UNC5D: variants seen among roughly 807,000 people sequenced by gnomAD.
The protein encoded by UNC5D is unc-5 netrin receptor D.
UNC5D carries 39 observed loss-of-function variants against 105.4 expected under a neutral mutation model. That is an observed-to-expected ratio of 0.37 (90% CI 0.29 to 0.48). UNC5D has a LOEUF of 0.48. UNC5D is among the 20% of genes least tolerant of loss of function. The probability of loss-of-function intolerance (pLI) is 0.98; values close to 1 mark genes in which losing one functional copy is unlikely to be tolerated. For synonymous variants in UNC5D, 452 were observed against 450.4 expected (o/e 1.00, Z -0.04); for missense variants, 991 against 1,202.4 (o/e 0.82, Z 2.60).
chr8:35,508,408 A>G (rs1394300340), intron 1 of UNC5D, among the ~76,000 whole-genome samples: 1 of 152,202 alleles, frequency 6.6e-6, no homozygotes, highest in Non-Finnish European at 1.5e-5. Flanking sequence ...TGTCTTTATG[A>G]GAGATCACTG....
intron 4 of UNC5D, among the ~76,000 whole-genome samples, chr8:35,656,281 C>T (rs1823729526): frequency 6.6e-6 from 1 of 152,104 alleles, no homozygotes; most frequent in African/African-American, 2.4e-5. Flanking sequence ...CTCCAAGCAA[C>T]TTCAGTGCAA....
At chr8:35,665,333 G>C (rs1824356268) in intron 4 of UNC5D, among the ~76,000 whole-genome samples, 1 of 152,136 alleles carries the variant, frequency 6.6e-6, no homozygotes, top group African/African-American at 2.4e-5. Flanking sequence ...TTCTTAAGCA[G>C]AACTCCTTTG....
At chr8:35,380,193 G>A (rs1230570608) in intron 1 of UNC5D, among the ~76,000 whole-genome samples, 2 of 146,242 alleles carry the variant, frequency 1.4e-5, no homozygotes, top group East Asian at 4.0e-4. Context: ...GACAGAGACC[G>A]AGAGGGAGAG....
chr8:35,584,518 G>A (rs748189920), intron 3 of UNC5D, among the ~76,000 whole-genome samples: 1 of 152,018 alleles, frequency 6.6e-6, no homozygotes, highest in African/African-American at 2.4e-5. Context: ...GGGCCCACAC[G>A]ATTCTCCTGT....
intron 1 of UNC5D, among the ~76,000 whole-genome samples, chr8:35,280,683 C>T (rs924293467): frequency 1.3e-5 from 2 of 152,134 alleles, no homozygotes; most frequent in Non-Finnish European, 2.9e-5. Flanking sequence ...CAAATTGTAT[C>T]TTTAAATGTA....
At chr8:35,259,174 A>G (rs1804276629) in intron 1 of UNC5D, among the ~76,000 whole-genome samples, 1 of 152,182 alleles carries the variant, frequency 6.6e-6, no homozygotes, top group African/African-American at 2.4e-5. Flanking sequence ...AGTGGGGTGG[A>G]GAAGGCAGAG....
chr8:35,408,217 A>G (rs78499778), intron 1 of UNC5D, among the ~76,000 whole-genome samples: 3,562 of 152,124 alleles, frequency 0.023, 143 homozygotes, highest in African/African-American at 0.082. Flanking sequence ...ATTTGTTTTC[A>G]ATGTTTACTT....
chr8:35,539,138 T>A (rs1815086205), intron 1 of UNC5D, among the ~76,000 whole-genome samples: 1 of 152,098 alleles, frequency 6.6e-6, no homozygotes, highest in Non-Finnish European at 1.5e-5. Context: ...ATATTACAAA[T>A]ATATGTGTGT....
chr8:35,549,952 CTTTTT>C (rs5890821), intron 2 of UNC5D, among the ~76,000 whole-genome samples: 1 of 125,590 alleles, frequency 8.0e-6, no homozygotes, highest in Non-Finnish European at 1.7e-5. Flanking sequence ...TTTCTGAGTC[CTTTTT>C]TTTTTTTTTT....
intron 1 of UNC5D, among the ~76,000 whole-genome samples, chr8:35,517,798 G>A (rs894007810): frequency 2.9e-4 from 44 of 152,146 alleles, no homozygotes; most frequent in Non-Finnish European, 1.0e-4. Context: ...TTTATTTCTT[G>A]TAGTTCTGGA....
intron 1 of UNC5D, among the ~76,000 whole-genome samples, chr8:35,547,116 T>C (rs1290152652): frequency 6.6e-6 from 1 of 152,176 alleles, no homozygotes; most frequent in Non-Finnish European, 1.5e-5. Context: ...TTAAGTTTAA[T>C]TTGTTCCAGT....
chr8:35,460,538 C>G (rs1425767554), intron 1 of UNC5D, among the ~76,000 whole-genome samples: 1 of 152,120 alleles, frequency 6.6e-6, no homozygotes, highest in Non-Finnish European at 1.5e-5. Flanking sequence ...AAGTTTAAAC[C>G]AAGGAAATGC....
chr8:35,436,497 T>C (rs1807023688), intron 1 of UNC5D, among the ~76,000 whole-genome samples: 1 of 152,046 alleles, frequency 6.6e-6, no homozygotes, highest in Non-Finnish European at 1.5e-5. Flanking sequence ...AACTGAGTCC[T>C]TTTCTGCACT....
At chr8:35,509,697 C>T (rs539421443) in intron 1 of UNC5D, among the ~76,000 whole-genome samples, 6 of 151,250 alleles carry the variant, frequency 4.0e-5, no homozygotes, top group Non-Finnish European at 5.9e-5. Context: ...CTCAGATATT[C>T]GTGGGTTTTT....
At position 35,789,269 on chromosome 8, in the gene UNC5D, T is replaced by C. The variant is rs59825846; in HGVS notation, c.2658-1090T>C. 1.4e-3 allele frequency among the ~76,000 whole-genome samples: 196 copies of C among 144,944 alleles called. 1 individual carries two copies. The highest frequency in any genetic ancestry group is 4.8e-3 in the African/African-American group (192 of 39,810). ...ATCAAGGCCAGACCAAGGAAGTCATTGAAGACAACTAGAGTAGATATTTCA... is the reference window on the plus strand; with the variant it reads ...ATCAAGGCCAGACCAAGGAAGTCATCGAAGACAACTAGAGTAGATATTTCA... On this transcript the variant is annotated intron_variant, in intron 16 of 16. Coordinates refer to ENST00000404895, the MANE Select transcript of UNC5D (RefSeq NM_080872.4).
chr8:35,569,134 A>G (rs920473313), intron 3 of UNC5D, among the ~76,000 whole-genome samples: 14 of 151,608 alleles, frequency 9.2e-5, no homozygotes, highest in Admixed American at 5.3e-4. Context: ...ATATTTCTTT[A>G]TCATATTTCA....
chr8:35,593,587 C>T (rs143300023), intron 3 of UNC5D, among the ~76,000 whole-genome samples: 340 of 152,192 alleles, frequency 2.2e-3, no homozygotes, highest in African/African-American at 7.8e-3. Context: ...ACAATCTGCC[C>T]ATTTCTACAG....
chr8:35,448,657 T>A (rs1807952317), intron 1 of UNC5D, among the ~76,000 whole-genome samples: 1 of 152,134 alleles, frequency 6.6e-6, no homozygotes, highest in African/African-American at 2.4e-5. Flanking sequence ...TGCAGTTTTG[T>A]TACATGGATT....
chr8:35,603,629 T>G (rs1279515678), intron 4 of UNC5D, among the ~76,000 whole-genome samples: 1 of 152,198 alleles, frequency 6.6e-6, no homozygotes, highest in Non-Finnish European at 1.5e-5. Context: ...ATCTGTCTAA[T>G]GTTGACAGTG....
Sources: gnomAD v4.1 joint callset for allele counts (sites outside exome capture counted in the v4.1 genomes callset) on GRCh38, gnomAD v4.1.1 for gene constraint, MANE v1.5 for transcripts, NCBI Gene and HGNC (gene_info 2026-07-23, HGNC 2026-07-21) for gene names.